The following ROR2 variants were observed in gnomAD, a reference collection of about 807,000 sequenced individuals.
ROR2 encodes the protein ROR family WNT receptor 2, also known as tyrosine-protein kinase transmembrane receptor ROR2.
A neutral mutation model predicts 74.9 loss-of-function variants in ROR2; 33 were observed. The ratio of observed to expected loss-of-function variants is 0.44; its 90% confidence interval spans 0.33 to 0.59. ROR2 has a LOEUF of 0.59. Among genes scored for constraint, ROR2 ranks in the 20% least tolerant of loss-of-function variants. The probability of loss-of-function intolerance (pLI) is 0.02; values close to 1 mark genes in which losing one functional copy is unlikely to be tolerated. For missense variants in ROR2, 1,216 were observed against 1,313.8 expected, an observed-to-expected ratio of 0.93 and a Z score of 1.15; for synonymous variants, 586 against 558.7, an observed-to-expected ratio of 1.05 and a Z score of -0.69.
intron 2 of ROR2, among the ~76,000 whole-genome samples, chr9:91,771,099 G>A (rs193194930): frequency 2.6e-5 from 4 of 152,320 alleles, no homozygotes; most frequent in Non-Finnish European, 5.9e-5. Context: ...TCACTACCCT[G>A]TTATTTAGAA....
intron 1 of ROR2, among the ~76,000 whole-genome samples, chr9:91,804,829 C>T (rs1466464226): frequency 1.3e-5 from 2 of 152,198 alleles, no homozygotes; most frequent in Admixed American, 6.5e-5. Flanking sequence ...GTTATTTTTA[C>T]TTAAGTTAGC....
At chr9:91,843,419 A>T (rs1037041638) in intron 1 of ROR2, among the ~76,000 whole-genome samples, 2 of 152,154 alleles carry the variant, frequency 1.3e-5, no homozygotes, top group African/African-American at 4.8e-5. Context: ...TCCTAGACTT[A>T]TTTTTCCAGA....
intron 1 of ROR2, among the ~76,000 whole-genome samples, chr9:91,868,629 G>A (rs1036990039): frequency 6.6e-6 from 1 of 152,138 alleles, no homozygotes; most frequent in Non-Finnish European, 1.5e-5. Flanking sequence ...CAGATTTCTC[G>A]TTAAAAACAA....
intron 1 of ROR2, among the ~76,000 whole-genome samples, chr9:91,876,365 T>G (rs1478715987): frequency 1.7e-5 from 2 of 119,798 alleles, no homozygotes; most frequent in Non-Finnish European, 3.2e-5. Flanking sequence ...CCAGACTCTG[T>G]CTCCAAAAAA....
intron 4 of ROR2, among the ~76,000 whole-genome samples, chr9:91,740,861 G>A (rs920222351): frequency 1.3e-5 from 2 of 152,088 alleles, no homozygotes; most frequent in Non-Finnish European, 2.9e-5. Flanking sequence ...CTCACCAGCT[G>A]GTGGAGCATC....
chr9:91,730,901 A>G lies in ROR2; in HGVS notation c.1183+9T>C. The G allele has an allele frequency of 6.2e-7, 1 of 1,614,060 alleles. No individual in the cohort carries two copies. Among genetic ancestry groups the G allele is most frequent in the Non-Finnish European group, 8.5e-7 (1 of 1,180,010 alleles). On this transcript the variant is annotated intron_variant, in intron 7 of 8. Transcript: ENST00000375708. ...CAACACATTAAAAAAAGAGAGAGAG[A>G]ATACATACTACACGAGGGTACGTCA...
chr9:91,797,772 A>G (rs1458978422), intron 1 of ROR2, among the ~76,000 whole-genome samples: 3 of 32,274 alleles, frequency 9.3e-5, no homozygotes, highest in Non-Finnish European at 1.6e-4. Context: ...ATCTGTGGAT[A>G]GGGCTGACAC....
chr9:91,923,183 A>G (rs1831316004), intron 1 of ROR2, among the ~76,000 whole-genome samples: 3 of 152,176 alleles, frequency 2.0e-5, no homozygotes, highest in Non-Finnish European at 2.9e-5. Context: ...GGTGCTCAGA[A>G]AGTACTTATG....
chr9:91,922,917 G>A (rs779386019), intron 1 of ROR2, among the ~76,000 whole-genome samples: 9 of 151,962 alleles, frequency 5.9e-5, no homozygotes, highest in East Asian at 3.9e-4. Context: ...CACTGGGGCA[G>A]CCTGCCTCTC....
intron 1 of ROR2, among the ~76,000 whole-genome samples, chr9:91,830,533 G>A (rs1041729058): frequency 5.3e-5 from 8 of 152,150 alleles, no homozygotes; most frequent in Non-Finnish European, 8.8e-5. Context: ...CCCATAAGCA[G>A]GTTTCAGAGC....
chr9:91,755,036 T>A (rs1233943957), intron 4 of ROR2, among the ~76,000 whole-genome samples: 1 of 152,088 alleles, frequency 6.6e-6, no homozygotes, highest in Non-Finnish European at 1.5e-5. Flanking sequence ...GCACCTGCAG[T>A]CCCAGCTACT....
chr9:91,778,671 C>G (rs1215588017), intron 1 of ROR2, among the ~76,000 whole-genome samples: 1 of 152,170 alleles, frequency 6.6e-6, no homozygotes, highest in East Asian at 1.9e-4. Context: ...CTAGCCAAAC[C>G]CACACGTCCT....
At chr9:91,917,507 G>A (rs535964734) in intron 1 of ROR2, among the ~76,000 whole-genome samples, 6 of 152,258 alleles carry the variant, frequency 3.9e-5, no homozygotes, top group African/African-American at 9.6e-5. Flanking sequence ...GCCACACCCC[G>A]AATCTTTAAG....
intron 4 of ROR2, among the ~76,000 whole-genome samples, chr9:91,748,180 CAGA>C (rs1323646998): frequency 6.6e-6 from 1 of 151,894 alleles, no homozygotes; most frequent in Admixed American, 6.6e-5. Flanking sequence ...GAGACTGAGG[CAGA>C]AGAATTGCTT....
At chr9:91,780,440 C>T (rs1826579566) in intron 1 of ROR2, among the ~76,000 whole-genome samples, 1 of 151,844 alleles carries the variant, frequency 6.6e-6, no homozygotes, top group Non-Finnish European at 1.5e-5. Flanking sequence ...CTTCTGAAAA[C>T]CTTCTTTCAA....
intron 1 of ROR2, among the ~76,000 whole-genome samples, chr9:91,947,578 G>A (rs62565755): frequency 0.18 from 26,719 of 152,042 alleles, 2,614 homozygotes; most frequent in Non-Finnish European, 0.22. Context: ...CATCACTCCA[G>A]GGATCTGGGC....
intron 1 of ROR2, among the ~76,000 whole-genome samples, chr9:91,856,812 C>A (rs1829305367): frequency 6.6e-6 from 1 of 152,254 alleles, no homozygotes; most frequent in Admixed American, 6.5e-5. Context: ...CAATTCCCAA[C>A]ATGCACTGGG....
At chr9:91,738,656 C>T (rs532362960) in intron 4 of ROR2, among the ~76,000 whole-genome samples, 31 of 152,234 alleles carry the variant, frequency 2.0e-4, no homozygotes, top group African/African-American at 2.2e-4. Flanking sequence ...ATGGTAGGGA[C>T]TCCAAGAAGT....
At chr9:91,914,455 A>C (rs1831071848) in intron 1 of ROR2, among the ~76,000 whole-genome samples, 1 of 152,178 alleles carries the variant, frequency 6.6e-6, no homozygotes, top group Non-Finnish European at 1.5e-5. Context: ...TTCCCTTAAC[A>C]AGAGAGCTGC....
Sources: allele counts gnomAD v4.1 joint callset (sites outside exome capture counted in the v4.1 genomes callset), GRCh38; gene constraint gnomAD v4.1.1; transcripts MANE v1.5; gene names NCBI Gene and HGNC (gene_info 2026-07-23, HGNC 2026-07-21).